Variants in ABCC2 observed in about 807,000 individuals in gnomAD.
ABCC2 encodes ATP-binding cassette sub-family C member 2.
Under a neutral mutation model 173.4 loss-of-function variants are expected in ABCC2, and 157 were observed. The ratio of observed to expected loss-of-function variants is 0.91; its 90% CI spans 0.80 to 1.03. The LOEUF is 1.03. ABCC2 is among the 50% of genes least tolerant of loss of function. The probability of loss-of-function intolerance (pLI) is 0.00; values close to 1 mark genes in which losing one functional copy is unlikely to be tolerated. For missense variants in ABCC2, 1,822 were observed against 1,852.3 expected (o/e 0.98, Z 0.30); for synonymous variants, 657 against 693.5 (o/e 0.95, Z 0.83).
At chr10:99,850,943 CT>C in intron 31 of ABCC2, 147 bp downstream of exon 31, 1 of 1,034,368 alleles carries the variant, frequency 9.7e-7, no homozygotes, top group Non-Finnish European at 1.5e-6. Context: ...GTCAAGTAAT[CT>C]GGCCAAAATT....
Position 99,814,223 on chromosome 10 carries a change from ACACACATGTGTATATATG to A in ABCC2, c.2094+1086_2094+1103del, listed in dbSNP as rs1443559018. Among the ~76,000 whole-genome samples the A allele has an allele frequency of 1.4e-3, 95 of 70,142 alleles. 11 individuals carry two copies. Among genetic ancestry groups the A allele is most frequent in the South Asian group, 2.4e-3 (5 of 2,116 alleles). The allele number at this position is 70,142 out of a possible 152,430, so 46.0% of individuals were successfully genotyped here. A position where few individuals can be genotyped will look rare whatever the true frequency, so the allele number is the denominator to read the frequency against. On this transcript the variant is annotated intron_variant, in intron 16 of 31. Coordinates refer to ENST00000647814, the MANE Select transcript of ABCC2 (RefSeq NM_000392.5). ...TATATATACACACATGTGTATATATACACACATGTGTATATATGCACACACGTATGTATACACACGTAT... is the reference window on the plus strand; with the variant it reads ...TATATATACACACATGTGTATATATACACACACGTATGTATACACACGTAT...
chr10:99,806,077 CTGTG>C (rs10559742), intron 11 of ABCC2, among the ~76,000 whole-genome samples: 55,374 of 147,956 alleles, frequency 0.37, 10,600 homozygotes, highest in East Asian at 0.62. Flanking sequence ...CTCTCTCTGT[CTGTG>C]TGTGTGTGTG....
intron 7 of ABCC2, among the ~76,000 whole-genome samples, chr10:99,798,721 T>G (rs1590148467): frequency 2.0e-5 from 3 of 152,274 alleles, no homozygotes; most frequent in Admixed American, 2.0e-4. Context: ...CCCAGTGACC[T>G]CATCTTAATT....
chr10:99,839,565 A>AC (rs1190281055), intron 25 of ABCC2, among the ~76,000 whole-genome samples: 4 of 6,252 alleles, frequency 6.4e-4, no homozygotes, highest in South Asian at 5.7e-3. Context: ...CGGGGGGCTG[A>AC]CCCCCCCCCA....
intron 30 of ABCC2, among the ~76,000 whole-genome samples, chr10:99,849,705 C>G (rs2039063128): frequency 6.6e-6 from 1 of 152,166 alleles, no homozygotes; most frequent in Non-Finnish European, 1.5e-5. Flanking sequence ...TTTTCAGTGT[C>G]TCTGATCTTA....
At chr10:99,848,829 C>T (rs1050089201) in intron 30 of ABCC2, among the ~76,000 whole-genome samples, 1 of 152,134 alleles carries the variant, frequency 6.6e-6, no homozygotes, top group Non-Finnish European at 1.5e-5. Context: ...TAGAGAACAT[C>T]GTCAGTTTAC....
intron 27 of ABCC2, 135 bp from the exon 28 acceptor site, chr10:99,844,187 C>T (rs2133146440): frequency 9.3e-7 from 1 of 1,074,938 alleles, no homozygotes; most frequent in Non-Finnish European, 1.4e-6. Flanking sequence ...TCTAGTTCAG[C>T]CTATTAAATG....
chr10:99,790,816 C>T (rs2037799662), intron 2 of ABCC2, among the ~76,000 whole-genome samples: 1 of 152,160 alleles, frequency 6.6e-6, no homozygotes, highest in Non-Finnish European at 1.5e-5. Context: ...AGTAAAGGTG[C>T]ATTCATCTCC....
At chr10:99,795,404 T>A (rs1228136835) in intron 6 of ABCC2, among the ~76,000 whole-genome samples, 1 of 152,134 alleles carries the variant, frequency 6.6e-6, no homozygotes, top group African/African-American at 2.4e-5. Context: ...TATGAGAACA[T>A]GTGGGATTTC....
chr10:99,814,711 A>ATATATACACACACG (rs2038362474), intron 16 of ABCC2, among the ~76,000 whole-genome samples: 19 of 144,240 alleles, frequency 1.3e-4, no homozygotes, highest in African/African-American at 4.5e-4. Context: ...ATGTGTATAC[A>ATATATACACACACG]TGTATATACA....
chr10:99,794,120 C>T lies in ABCC2; in HGVS notation c.576+121C>T, dbSNP rs555472730. ...CAAGCCCAGAATAAGGTAGTACAGA[C>T]CATTTTATGACAAGGAAACAGATAG... On this transcript the variant is annotated intron_variant, in intron 5 of 31. Transcript: ENST00000647814. The T allele has an allele frequency of 8.1e-4, 742 of 920,136 alleles. 5 individuals carry two copies. The highest frequency in any genetic ancestry group is 9.6e-4 in the Non-Finnish European group (573 of 594,136). The allele number at this position is 920,136 out of a possible 1,614,324, so 57.0% of individuals were successfully genotyped here.
chr10:99,783,634 A>G (rs2037654256), intron 1 of ABCC2, among the ~76,000 whole-genome samples: 1 of 152,198 alleles, frequency 6.6e-6, no homozygotes, highest in South Asian at 2.1e-4. Context: ...TAAGTATCTT[A>G]AGTGATTCTT....
intron 6 of ABCC2, among the ~76,000 whole-genome samples, chr10:99,796,761 C>T (rs530146072): frequency 9.9e-4 from 151 of 152,208 alleles, no homozygotes; most frequent in Non-Finnish European, 1.8e-3. Flanking sequence ...ACAGGGGCTG[C>T]TTTATTTCTT....
Position 99,845,771 on chromosome 10 carries a change from A to G in ABCC2, c.4135A>G (p.Ile1379Val). ...GLHDLREKLT[I>V]IPQDPILFSG... is the part of the protein sequence containing the mutation. Reference sequence around the variant, plus strand: ...CCACGACCTCCGAGAGAAGCTGACCATCATCCCCCAGGTGAGCTCTAGAAC... The same window carrying G: ...CCACGACCTCCGAGAGAAGCTGACCGTCATCCCCCAGGTGAGCTCTAGAAC... Residue 1379 changes from isoleucine to valine, a missense_variant, in exon 29 of 32, where the codon ATC becomes GTC. Coordinates refer to ENST00000647814, the MANE Select transcript of ABCC2 (RefSeq NM_000392.5). The G allele has an allele frequency of 6.2e-7, 1 of 1,611,976 alleles. No individual in the cohort carries two copies. Among genetic ancestry groups the G allele is most frequent in the Non-Finnish European group, 8.5e-7 (1 of 1,179,448 alleles).
intron 13 of ABCC2, among the ~76,000 whole-genome samples, chr10:99,808,562 T>C (rs917073227): frequency 4.6e-5 from 7 of 152,034 alleles, no homozygotes; most frequent in South Asian, 2.1e-4. Context: ...CCAAGGCTCT[T>C]GAGGTGTTGA....
chr10:99,818,222 C>CA (rs34662003), intron 17 of ABCC2, among the ~76,000 whole-genome samples: 70,100 of 144,212 alleles, frequency 0.49, 16,526 homozygotes, highest in African/African-American at 0.52. Flanking sequence ...GACTCCATCT[C>CA]AAAAAAAAAA....
At chr10:99,823,189 G>T (rs2038569707) in intron 19 of ABCC2, among the ~76,000 whole-genome samples, 1 of 152,118 alleles carries the variant, frequency 6.6e-6, no homozygotes, top group Admixed American at 6.6e-5. Context: ...GTGCAATGTT[G>T]TACGATATCT....
chr10:99,790,102 A>G (rs1033585267), intron 2 of ABCC2, among the ~76,000 whole-genome samples: 1 of 152,226 alleles, frequency 6.6e-6, no homozygotes, highest in African/African-American at 2.4e-5. Context: ...AAGTGTGTCT[A>G]TAGGATAAAT....
rs2038059887 is a variant in ABCC2, at chr10:99,804,196, G to A, written c.1387G>A (p.Val463Ile). Reference protein sequence around the residue: ...FFLWRELGPSVLAGVGVMVLV... With the variant: ...FFLWRELGPSILAGVGVMVLV... ...CCTATGGAGAGAGTTGGGACCCTCA[G>A]TCTTAGCAGGTGTTGGGGTGATGGT... is the stretch of plus-strand genomic sequence containing the variant. Residue 463 changes from valine to isoleucine, a missense_variant, in exon 10 of 32, where the codon GTC becomes ATC. Coordinates refer to ENST00000647814, the MANE Select transcript of ABCC2 (RefSeq NM_000392.5). 1 of 1,614,126 alleles carries A rather than the reference G, an allele frequency of 6.2e-7. No individual in the cohort carries two copies. Among genetic ancestry groups the A allele is most frequent in the Non-Finnish European group, 8.5e-7 (1 of 1,180,006 alleles).
Sources: gnomAD v4.1 joint callset for allele counts (sites outside exome capture counted in the v4.1 genomes callset) on GRCh38, gnomAD v4.1.1 for gene constraint, MANE v1.5 for transcripts, NCBI Gene and HGNC (gene_info 2026-07-23, HGNC 2026-07-21) for gene names.